Variants in KIF1C observed in about 807,000 individuals in gnomAD.
KIF1C encodes the protein kinesin-like protein KIF1C.
KIF1C carries 61 observed loss-of-function variants against 126.5 expected under a neutral mutation model. The observed-to-expected ratio is 0.48, with a 90% CI of 0.39 to 0.60. KIF1C has a LOEUF of 0.60. KIF1C is among the 20% of genes least tolerant of loss of function. The pLI, the probability that KIF1C is intolerant of heterozygous loss-of-function variation, is 0.00. For synonymous variants in KIF1C, 640 were observed against 580.6 expected, an observed-to-expected ratio of 1.10 and a Z score of -1.47; for missense variants, 1,315 against 1,489.2, an observed-to-expected ratio of 0.88 and a Z score of 1.93.
At chr17:5,012,227 T>C (rs1260035901) in intron 16 of KIF1C, among the ~76,000 whole-genome samples, 3 of 152,096 alleles carry the variant, frequency 2.0e-5, no homozygotes, top group Non-Finnish European at 4.4e-5. Flanking sequence ...CAGGGTGAGG[T>C]AGAAAGGCCA....
chr17:5,022,330 A>G lies in KIF1C; in HGVS notation c.2249A>G (p.Gln750Arg), dbSNP rs1975108953. The change falls in exon 22 of 23, where the codon CAG becomes CGG. Residue 750 changes from glutamine to arginine, a missense_variant. This residue lies in a region of KIF1C where 874 missense variants were observed against 1,053.2 expected (regional missense o/e 0.83). Transcript: ENST00000320785. The surrounding 1 kb of genome is among the most constrained non-coding windows in gnomAD (Gnocchi z 4.9). ...RWATMADLKM[Q>R]AVKEICYEVA... is the part of the protein sequence containing the mutation. ...GCCACCATGGCTGACCTGAAGATGC[A>G]GGCGGTGAAGGAGATCTGCTACGAG... is the stretch of plus-strand genomic sequence containing the variant. 3 of 1,603,454 alleles carry G rather than the reference A, an allele frequency of 1.9e-6. No homozygotes were observed. The highest frequency in any genetic ancestry group is 2.6e-6 in the Non-Finnish European group (3 of 1,174,722).
At chr17:5,001,865 G>T (rs1481876182) in intron 5 of KIF1C, among the ~76,000 whole-genome samples, 194 bp from the exon 6 acceptor site, 1 of 152,216 alleles carries the variant, frequency 6.6e-6, no homozygotes, top group Non-Finnish European at 1.5e-5. Context: ...CTGGCTGAAC[G>T]GTAGCCTGTG....
At chr17:5,008,180 A>T (rs565877398) in intron 16 of KIF1C, among the ~76,000 whole-genome samples, 1 of 152,288 alleles carries the variant, frequency 6.6e-6, no homozygotes, top group South Asian at 2.1e-4. Context: ...GGTACCTAAT[A>T]AATCTTTGCT....
intron 1 of KIF1C, among the ~76,000 whole-genome samples, chr17:4,998,481 C>T (rs774813167): frequency 6.6e-6 from 1 of 152,182 alleles, no homozygotes; most frequent in Non-Finnish European, 1.5e-5. Flanking sequence ...TACCCCACGG[C>T]TCCTTCACAG....
chr17:5,003,573 A>T (rs1279689815), intron 8 of KIF1C, 39 bp from the exon 9 acceptor site: 1 of 1,478,020 alleles, frequency 6.8e-7, no homozygotes, highest in African/African-American at 1.4e-5. Flanking sequence ...CCCGTCCCCC[A>T]CCCGCACCTT....
rs1975125109 is a variant in KIF1C at position 5,022,897 on chromosome 17, TC to T, written c.2628+191del. 1.3e-5 allele frequency among the ~76,000 whole-genome samples: 2 copies of T among 152,232 alleles called. No homozygotes were observed. The highest frequency in any genetic ancestry group is 4.1e-4 in the South Asian group (2 of 4,834). The stretch of plus-strand genomic sequence containing the variant: ...CACCAGGCTGCTAATTAAAATAGAT[TC>T]CCGGGTTCCACCCCAGACCTACTGA... On this transcript the variant is annotated intron_variant, in intron 22 of 22. Coordinates refer to ENST00000320785, the MANE Select transcript of KIF1C (RefSeq NM_006612.6). The surrounding 1 kb of genome is among the most constrained non-coding windows in gnomAD (Gnocchi z 4.9).
chr17:4,997,967 C>T lies in KIF1C; in HGVS notation c.-338C>T, dbSNP rs987809850. The T allele has an allele frequency of 2.7e-5, 4 of 147,806 alleles. No individual in the cohort carries two copies. Among genetic ancestry groups the T allele is most frequent in the Non-Finnish European group, 6.0e-5 (4 of 66,408 alleles). The allele number at this position is 147,806 out of a possible 1,614,324, so 9.2% of individuals were successfully genotyped here. On this transcript the variant is annotated 5_prime_UTR_variant, in exon 1 of 23. Coordinates refer to ENST00000320785, the MANE Select transcript of KIF1C (RefSeq NM_006612.6). ...CCCGCCCCAGCTCGCGCTGCCCGGG[C>T]GGGCGCCGGCCGCTGGCGCCGCTAC...
In KIF1C at chr17:5,027,263, G is replaced by C. The variant is rs1299759414; in HGVS notation, c.*3112G>C. The C allele has an allele frequency of 1.3e-5, 2 of 152,192 alleles. No individual in the cohort carries two copies. The highest frequency in any genetic ancestry group is 2.9e-5 in the Non-Finnish European group (2 of 68,058). The allele number at this position is 152,192 out of a possible 1,614,324, so 9.4% of individuals were successfully genotyped here. ...CCTGCCTCAGCCTCCTGAGTAGCTAGGATTACAGGCGCCCACAACCGCACC... is the reference window on the plus strand; with the variant it reads ...CCTGCCTCAGCCTCCTGAGTAGCTACGATTACAGGCGCCCACAACCGCACC... On this transcript the variant is annotated 3_prime_UTR_variant, in exon 23 of 23. Transcript: ENST00000320785.
intron 21 of KIF1C, among the ~76,000 whole-genome samples, chr17:5,021,191 T>TC (rs1319420458): frequency 1.4e-5 from 2 of 147,950 alleles, no homozygotes; most frequent in Non-Finnish European, 3.0e-5. Context: ...TTTTTTTTTT[T>TC]TGGAGATGGA....
In KIF1C at chr17:5,004,955, C is replaced by T. The variant is rs764691825; in HGVS notation, c.1120C>T (p.Arg374Trp). The T allele has an allele frequency of 3.7e-5, 60 of 1,614,194 alleles. No individual in the cohort carries two copies. The highest frequency in any genetic ancestry group is 4.9e-5 in the Non-Finnish European group (58 of 1,180,022). Reference protein sequence around the residue: ...RELQEEVARLRELLMAQGLSA... With the variant: ...RELQEEVARLWELLMAQGLSA... ...GCTGCAGGAGGAAGTAGCCCGGCTG[C>T]GGGAACTGCTGATGGCTCAGGGACT... The change falls in exon 13 of 23, where the codon CGG (arginine) becomes TGG (tryptophan). Residue 374 changes from arginine (R) to tryptophan (W), a missense_variant. Arg to Trp is a moderately radical substitution (Grantham distance 101). Around this residue, in one of 2 missense-constraint regions of KIF1C, gnomAD observed 874 missense variants for 1,053.2 expected, o/e 0.83. Coordinates refer to ENST00000320785, the MANE Select transcript of KIF1C (RefSeq NM_006612.6).
chr17:5,020,622 C>T lies in KIF1C; in HGVS notation c.1881C>T (p.Ala627=), dbSNP rs1597862153. Residue 627 remains alanine (A), a synonymous_variant, in exon 20 of 23, where the codon GCC becomes GCT. Coordinates refer to ENST00000320785, the MANE Select transcript of KIF1C (RefSeq NM_006612.6). This position sits in a 1 kb window ranked among gnomAD's most constrained non-coding sequence, Gnocchi z 5.8. The part of the protein sequence containing the change: ...PPSEPVDWNF[A]QKELLEQQGI... ...CTGAGCCAGTCGACTGGAACTTTGC[C>T]CAGAAGGAACTGCTGGAGCAGCAAG... 6.2e-7 allele frequency: 1 copy of T among 1,614,240 alleles called. No individual in the cohort carries two copies.
chr17:5,002,239 T>A (rs1214098986), intron 6 of KIF1C, 115 bp downstream of exon 6: 48 of 1,083,966 alleles, frequency 4.4e-5, no homozygotes, highest in Non-Finnish European at 6.4e-5. Flanking sequence ...ACTGTGACTT[T>A]GGGGCAGTGA....
intron 13 of KIF1C, 46 bp from the exon 14 acceptor site, chr17:5,006,869 T>A (rs1163032535): frequency 5.6e-6 from 9 of 1,598,118 alleles, no homozygotes; most frequent in Non-Finnish European, 6.8e-6. Context: ...TCTCATCAGC[T>A]CCTTCTTTCC....
rs1040831280 is a variant in KIF1C at position 5,026,454 on chromosome 17, A to T, written c.*2303A>T. 1 of 152,148 alleles carries T rather than the reference A, an allele frequency of 6.6e-6. No individual in the cohort carries two copies. The highest frequency in any genetic ancestry group is 2.4e-5 in the African/African-American group (1 of 41,418). The allele number at this position is 152,148 out of a possible 1,614,324, so 9.4% of individuals were successfully genotyped here. ...GTAAATGTATATTATCCATAATTTT[A>T]AAAATCCACTTATGGCTGGGCACAG... On this transcript the variant is annotated 3_prime_UTR_variant, in exon 23 of 23. Coordinates refer to ENST00000320785, the MANE Select transcript of KIF1C (RefSeq NM_006612.6).
rs1247478870 is a variant in KIF1C, at chr17:5,023,369, C to A, written c.2629-99C>A. 9.8e-7 allele frequency: 1 copy of A among 1,022,472 alleles called. No homozygotes were observed. The highest frequency in any genetic ancestry group is 1.5e-6 in the Non-Finnish European group (1 of 687,466). 63.3% of individuals were successfully genotyped at this position (1,022,472 alleles called of 1,614,324 possible). On this transcript the variant is annotated intron_variant, in intron 22 of 22. Coordinates refer to ENST00000320785, the MANE Select transcript of KIF1C (RefSeq NM_006612.6). This position sits in a 1 kb window ranked among gnomAD's most constrained non-coding sequence, Gnocchi z 4.2. ...TTATCTCTAGGCTTTTCTCTGGACC[C>A]TTTGACATCCAGCCACTCCAGGTCC...
chr17:5,013,509 C>G, intron 16 of KIF1C, 144 bp from the exon 17 acceptor site: 4 of 642,716 alleles, frequency 6.2e-6, no homozygotes, highest in Non-Finnish European at 1.1e-5. Flanking sequence ...GGGAGGAGTA[C>G]AGAGGGCAGG....
chr17:5,016,061 T>C (rs1974965186), intron 18 of KIF1C, among the ~76,000 whole-genome samples: 1 of 151,656 alleles, frequency 6.6e-6, no homozygotes, highest in Admixed American at 6.6e-5. Context: ...CTGGTGTGTG[T>C]GTTGTGCCTC....
rs779766462 is a variant in KIF1C at position 5,022,310 on chromosome 17, C to A, written c.2229C>A (p.Thr743=). ...AGGGCAAAGACCCCCGCTGGGCCAC[C>A]ATGGCTGACCTGAAGATGCAGGCGG... is the stretch of plus-strand genomic sequence containing the variant. ...RLQGKDPRWA[T]MADLKMQAVK... The change falls in exon 22 of 23, where the codon ACC becomes ACA. Residue 743 remains threonine (T), a synonymous_variant. Coordinates refer to ENST00000320785, the MANE Select transcript of KIF1C (RefSeq NM_006612.6). The surrounding 1 kb of genome is among the most constrained non-coding windows in gnomAD (Gnocchi z 4.9). The A allele has an allele frequency of 3.1e-6, 5 of 1,610,202 alleles. No homozygotes were observed. In the Admixed American group the frequency reaches 5.1e-5, roughly 16 times the overall value.
chr17:5,003,176 C>G (rs1389570950), intron 8 of KIF1C, among the ~76,000 whole-genome samples: 1 of 152,086 alleles, frequency 6.6e-6, no homozygotes, highest in East Asian at 1.9e-4. Context: ...TCCCGAGTAC[C>G]TGGGATTACA....
Sources: allele counts gnomAD v4.1 joint callset (sites outside exome capture counted in the v4.1 genomes callset), GRCh38; gene constraint gnomAD v4.1.1; regional missense constraint gnomAD v4.1.1; non-coding constraint Gnocchi (gnomAD v3.1); transcripts MANE v1.5; gene names NCBI Gene and HGNC (gene_info 2026-07-23, HGNC 2026-07-21).